PTH2R: variants seen among roughly 807,000 people sequenced by gnomAD.
PTH2R encodes parathyroid hormone 2 receptor.
A neutral mutation model predicts 60.3 loss-of-function variants in PTH2R; 59 were observed. That is an observed-to-expected ratio of 0.98 (90% CI 0.79 to 1.22). The LOEUF is 1.22. Ranked by LOEUF, PTH2R falls within the 50% of genes most tolerant of loss-of-function variation. PTH2R has a pLI of 0.00. For synonymous variants in PTH2R, 256 were observed against 243.8 expected (o/e 1.05, Z -0.47); for missense variants, 749 against 682.6 (o/e 1.10, Z -1.08).
At chr2:208,383,168 A>G (rs1159062694) in intron 1 of PTH2R, among the ~76,000 whole-genome samples, 1 of 152,232 alleles carries the variant, frequency 6.6e-6, no homozygotes, top group Non-Finnish European at 1.5e-5. Context: ...AGGTAGTTAG[A>G]GGCTGCAAGG....
intron 1 of PTH2R, among the ~76,000 whole-genome samples, chr2:208,362,851 TG>T (rs1700505764): frequency 8.7e-6 from 1 of 115,336 alleles, no homozygotes; most frequent in Non-Finnish European, 1.9e-5. Flanking sequence ...TGTGTGTGTG[TG>T]TGTGTGTGTG....
At chr2:208,401,531 CCTT>C (rs1254560858) in intron 1 of PTH2R, among the ~76,000 whole-genome samples, 3 of 151,660 alleles carry the variant, frequency 2.0e-5, no homozygotes, top group Non-Finnish European at 2.9e-5. Context: ...TGGTATCTCT[CCTT>C]CTTATTCCTT....
intron 12 of PTH2R, among the ~76,000 whole-genome samples, chr2:208,491,625 G>C (rs1057351692): frequency 3.3e-5 from 5 of 151,956 alleles, no homozygotes; most frequent in African/African-American, 9.7e-5. Flanking sequence ...GAATTTTTGT[G>C]TTTTATCCAT....
intron 1 of PTH2R, among the ~76,000 whole-genome samples, chr2:208,416,210 G>A (rs1251494538): frequency 6.6e-6 from 1 of 152,160 alleles, no homozygotes; most frequent in Non-Finnish European, 1.5e-5. Context: ...TCAACCTGAA[G>A]TGGAGTGTGC....
chr2:208,423,517 G>A (rs1422138041), intron 1 of PTH2R, among the ~76,000 whole-genome samples: 2 of 152,086 alleles, frequency 1.3e-5, no homozygotes, highest in African/African-American at 4.8e-5. Flanking sequence ...TTCAGGATAT[G>A]GTCTACCTTG....
chr2:208,429,901 G>C lies in PTH2R; in HGVS notation c.178+1598G>C, dbSNP rs151071541. Among the ~76,000 whole-genome samples the C allele has an allele frequency of 6.9e-3, 1,052 of 152,206 alleles. 5 individuals are homozygous for C. Among genetic ancestry groups the C allele is most frequent in the Non-Finnish European group, 0.011 (754 of 68,002 alleles). On this transcript the variant is annotated intron_variant, in intron 2 of 12. Coordinates refer to ENST00000272847, the MANE Select transcript of PTH2R (RefSeq NM_005048.4). ...CTTTGTCTATTAACTGAAGAATTTA[G>C]CTCAACTACATTAATTGTAGTTACT...
At chr2:208,438,417 G>C (rs890255671) in intron 4 of PTH2R, among the ~76,000 whole-genome samples, 4 of 152,098 alleles carry the variant, frequency 2.6e-5, no homozygotes, top group African/African-American at 9.7e-5. Context: ...TCAGAGATGT[G>C]AGTCAACTGA....
Position 208,406,796 on chromosome 2 carries a change from C to T in PTH2R, c.-248C>T, listed in dbSNP as rs1443186493. The T allele has an allele frequency of 5.5e-6, 2 of 360,718 alleles. No individual in the cohort carries two copies. Among genetic ancestry groups the T allele is most frequent in the African/African-American group, 4.2e-5 (2 of 47,646 alleles). The allele number at this position is 360,718 out of a possible 1,614,324, so 22.3% of individuals were successfully genotyped here. On this transcript the variant is annotated 5_prime_UTR_variant, in exon 1 of 13. Coordinates refer to ENST00000272847, the MANE Select transcript of PTH2R (RefSeq NM_005048.4). ...GCGGGGCTGCGAGTCAAGTCCAGGA[C>T]TCGGGCCAGTCTCTCCGGAAGACAA... is the stretch of plus-strand genomic sequence containing the variant.
intron 1 of PTH2R, among the ~76,000 whole-genome samples, chr2:208,393,267 G>A (rs1004325696): frequency 6.6e-6 from 1 of 151,452 alleles, no homozygotes; most frequent in South Asian, 2.1e-4. Context: ...TGATAAACTT[G>A]TCCTTCAGGA....
At position 208,435,437 on chromosome 2, in the gene PTH2R, G is replaced by A. The variant is rs77709624; in HGVS notation, c.179-2100G>A. 9.0e-3 allele frequency among the ~76,000 whole-genome samples: 1,368 copies of A among 152,272 alleles called. 22 individuals carry two copies. Among genetic ancestry groups the A allele is most frequent in the African/African-American group, 0.03 (1,259 of 41,548 alleles). On this transcript the variant is annotated intron_variant, in intron 2 of 12. Transcript: ENST00000272847. ...AGCTTATTCTGGATTGTCTGAGTGG[G>A]TTCCATGTGATCATACGGGCCCTTT...
rs542896460 is a variant in PTH2R at position 208,489,112 on chromosome 2, A to T, written c.1177A>T (p.Ile393Phe). 3.6e-5 allele frequency: 58 copies of T among 1,614,002 alleles called. No homozygotes were observed. The South Asian group carries it at 5.3e-4, about 15-fold the overall frequency. Residue 393 changes from isoleucine (I) to phenylalanine (F), a missense_variant, in exon 11 of 13, where the codon ATC (isoleucine) becomes TTC (phenylalanine). Physicochemically the swap from Ile to Phe is conservative, Grantham distance 21 (BLOSUM62 0). Coordinates refer to ENST00000272847, the MANE Select transcript of PTH2R (RefSeq NM_005048.4). Reference sequence around the variant, plus strand: ...CTCCTTCACTGGGCTCGGGTGGGAGATCCGCATGCACTGTGAGCTCTTCTT... The same window carrying T: ...CTCCTTCACTGGGCTCGGGTGGGAGTTCCGCATGCACTGTGAGCTCTTCTT... Reference protein sequence around the residue: ...PHSFTGLGWEIRMHCELFFNS... With the variant: ...PHSFTGLGWEFRMHCELFFNS...
At chr2:208,475,271 C>T (rs1200804639) in intron 9 of PTH2R, among the ~76,000 whole-genome samples, 2 of 152,054 alleles carry the variant, frequency 1.3e-5, no homozygotes, top group Admixed American at 6.6e-5. Flanking sequence ...AATTTAATGA[C>T]ATATCTTTTA....
chr2:208,382,966 G>T (rs1397815799), intron 1 of PTH2R, among the ~76,000 whole-genome samples: 1 of 152,234 alleles, frequency 6.6e-6, no homozygotes, highest in Non-Finnish European at 1.5e-5. Flanking sequence ...TGGGGGATGT[G>T]GGGGGTCTGA....
At chr2:208,458,447 A>T (rs2364123) in intron 8 of PTH2R, among the ~76,000 whole-genome samples, 132 of 152,284 alleles carry the variant, frequency 8.7e-4, no homozygotes, top group African/African-American at 2.9e-3. Flanking sequence ...AAAGATTTTT[A>T]AAAAAATTTT....
intron 1 of PTH2R, among the ~76,000 whole-genome samples, chr2:208,423,157 G>C (rs1595329): frequency 0.94 from 142,430 of 151,932 alleles, 67,140 homozygotes; most frequent in Non-Finnish European, 0.98. Context: ...TCTTCTTTTT[G>C]TAGGTTCTCG....
intron 7 of PTH2R, among the ~76,000 whole-genome samples, chr2:208,447,444 C>T (rs952173393): frequency 2.0e-5 from 3 of 151,788 alleles, no homozygotes; most frequent in Admixed American, 2.0e-4. Context: ...AAAAATTAGC[C>T]AGACGTGCTG....
intron 10 of PTH2R, among the ~76,000 whole-genome samples, chr2:208,486,013 A>T (rs760720061): frequency 6.6e-6 from 1 of 152,186 alleles, no homozygotes; most frequent in South Asian, 2.1e-4. Flanking sequence ...CAGCCAAAAA[A>T]CAGCCCCGCA....
At position 208,428,278 on chromosome 2, in the gene PTH2R, C is replaced by T. The variant is rs1322223138; in HGVS notation, c.153C>T (p.Asn51=). 1 of 1,612,816 alleles carries T rather than the reference C, an allele frequency of 6.2e-7. No individual in the cohort carries two copies. The highest frequency in any genetic ancestry group is 1.1e-5 in the South Asian group (1 of 90,564). ...AAGCGAAAGTACAATGTGAACTCAA[C>T]ATCACAGCTCAACTCCAGGAGGGAG... The part of the protein sequence containing the change: ...VLKAKVQCEL[N]ITAQLQEGEG... The change falls in exon 2 of 13, where the codon AAC becomes AAT. Residue 51 remains asparagine (N), a synonymous_variant. Coordinates refer to ENST00000272847, the MANE Select transcript of PTH2R (RefSeq NM_005048.4).
rs1700760503 is a variant in PTH2R at position 208,374,661 on chromosome 2, C to A, written c.-259+14424C>A. On this transcript the variant is annotated intron_variant, in intron 1 of 12. Transcript: ENST00000617735. ...GGGATTACAGGCACCCTCAACCACG[C>A]CTGGCTAAGTTTTGTATTTTTTTTA... 2.0e-5 allele frequency among the ~76,000 whole-genome samples: 3 copies of A among 151,996 alleles called. No individual in the cohort carries two copies. In the South Asian group the frequency reaches 6.2e-4, roughly 32 times the overall value.
Sources: gnomAD v4.1 joint callset for allele counts (sites outside exome capture counted in the v4.1 genomes callset) on GRCh38, gnomAD v4.1.1 for gene constraint, MANE v1.5 for transcripts, NCBI Gene and HGNC (gene_info 2026-07-23, HGNC 2026-07-21) for gene names.